Variants in SGCZ observed in about 807,000 individuals in gnomAD.
SGCZ encodes the protein zeta-sarcoglycan.
A neutral mutation model predicts 41.3 loss-of-function variants in SGCZ; 40 were observed. The ratio of observed to expected loss-of-function variants is 0.97; its 90% CI spans 0.75 to 1.26. The LOEUF (loss-of-function observed/expected upper bound fraction) is 1.26. Ranked by LOEUF, SGCZ falls within the 50% of genes most tolerant of loss-of-function variation. The pLI is 0.00. For missense variants in SGCZ, 552 were observed against 369.8 expected, an observed-to-expected ratio of 1.49 and a Z score of -4.04; for synonymous variants, 206 against 137.5, an observed-to-expected ratio of 1.50 and a Z score of -3.49.
chr8:15,215,687 A>T (rs555704951), intron 1 of SGCZ, among the ~76,000 whole-genome samples: 1 of 152,334 alleles, frequency 6.6e-6, no homozygotes, highest in African/African-American at 2.4e-5. Flanking sequence ...AGCTGAACTG[A>T]AACTTTTGCT....
chr8:14,736,133 C>G lies in SGCZ; in HGVS notation c.40-181207G>C, dbSNP rs184064625. ...GCTTTTGGTAAATATTTTTCCAAATCATGCTCCCTGCTTGAACCTACTTCA... is the reference window on the plus strand; with the variant it reads ...GCTTTTGGTAAATATTTTTCCAAATGATGCTCCCTGCTTGAACCTACTTCA... On this transcript the variant is annotated intron_variant, in intron 1 of 7. Transcript: ENST00000382080. 3.9e-3 allele frequency among the ~76,000 whole-genome samples: 601 copies of G among 152,178 alleles called. 6 individuals carry two copies. The highest frequency in any genetic ancestry group is 6.7e-3 in the Non-Finnish European group (455 of 67,988).
At chr8:14,523,505 G>A (rs899912760) in intron 2 of SGCZ, among the ~76,000 whole-genome samples, 3 of 151,886 alleles carry the variant, frequency 2.0e-5, no homozygotes, top group East Asian at 1.9e-4. Context: ...TCTCCTGGTC[G>A]TGACGGTTTC....
chr8:14,386,581 A>C (rs1804586657), intron 2 of SGCZ, among the ~76,000 whole-genome samples: 1 of 152,190 alleles, frequency 6.6e-6, no homozygotes. Context: ...AGTGGTTTGT[A>C]ACTCAACTTC....
chr8:15,039,416 A>C (rs1183725051), intron 1 of SGCZ, among the ~76,000 whole-genome samples: 3 of 152,194 alleles, frequency 2.0e-5, no homozygotes, highest in African/African-American at 7.2e-5. Context: ...GTGGCATCTA[A>C]AACATCCAAC....
chr8:14,197,168 T>C (rs1355994535), intron 4 of SGCZ, among the ~76,000 whole-genome samples: 1 of 152,156 alleles, frequency 6.6e-6, no homozygotes, highest in Non-Finnish European at 1.5e-5. Flanking sequence ...AAGGTCCGGA[T>C]GGCTTTCTTT....
intron 1 of SGCZ, among the ~76,000 whole-genome samples, chr8:15,096,437 A>C (rs747197145): frequency 6.6e-6 from 1 of 152,110 alleles, no homozygotes; most frequent in Non-Finnish European, 1.5e-5. Flanking sequence ...CAGGAATAAT[A>C]TAATTTATCT....
intron 1 of SGCZ, among the ~76,000 whole-genome samples, chr8:15,228,116 C>G (rs563898848): frequency 2.2e-4 from 33 of 152,056 alleles, no homozygotes; most frequent in Middle Eastern, 3.2e-3. Context: ...ATTTGTTATA[C>G]ATTAAGAGCT....
chr8:14,492,206 A>G (rs1801861091), intron 2 of SGCZ, among the ~76,000 whole-genome samples: 1 of 152,220 alleles, frequency 6.6e-6, no homozygotes, highest in African/African-American at 2.4e-5. Flanking sequence ...CAGCAGTTAC[A>G]TCATCACAAC....
chr8:14,710,452 C>T (rs1809480732), intron 1 of SGCZ, among the ~76,000 whole-genome samples: 3 of 148,702 alleles, frequency 2.0e-5, no homozygotes, highest in Admixed American at 1.3e-4. Flanking sequence ...GCAATTAAAA[C>T]TTATATTTTC....
chr8:14,785,180 T>G (rs1800730930), intron 1 of SGCZ, among the ~76,000 whole-genome samples: 1 of 151,410 alleles, frequency 6.6e-6, no homozygotes, highest in South Asian at 2.1e-4. Flanking sequence ...GTTTACTTGA[T>G]TGCTATCTGG....
intron 2 of SGCZ, among the ~76,000 whole-genome samples, chr8:14,459,785 C>A (rs113250636): frequency 6.6e-6 from 1 of 152,058 alleles, no homozygotes; most frequent in Non-Finnish European, 1.5e-5. Flanking sequence ...TCACCCCAAC[C>A]ATAAGTAAAT....
At chr8:14,333,129 C>T (rs896026679) in intron 2 of SGCZ, among the ~76,000 whole-genome samples, 5 of 152,040 alleles carry the variant, frequency 3.3e-5, no homozygotes, top group Non-Finnish European at 5.9e-5. Context: ...ATATTAGTTA[C>T]ATGATGCAGA....
intron 2 of SGCZ, among the ~76,000 whole-genome samples, chr8:14,389,452 G>GA (rs1241268781): frequency 1.4e-5 from 2 of 140,838 alleles, no homozygotes; most frequent in East Asian, 2.0e-4. Context: ...AAGACAAAGA[G>GA]AAAATCACAA....
intron 2 of SGCZ, among the ~76,000 whole-genome samples, chr8:14,344,781 A>G (rs116333299): frequency 0.011 from 1,686 of 152,224 alleles, 28 homozygotes; most frequent in African/African-American, 0.037. Flanking sequence ...GCTACAAATG[A>G]AAATATAAAC....
At chr8:14,677,752 C>G (rs908768599) in intron 1 of SGCZ, among the ~76,000 whole-genome samples, 2 of 152,034 alleles carry the variant, frequency 1.3e-5, no homozygotes, top group African/African-American at 4.8e-5. Flanking sequence ...GTATGGGCAA[C>G]AGAATGAGAC....
At chr8:14,720,539 A>T (rs1484465681) in intron 1 of SGCZ, among the ~76,000 whole-genome samples, 1 of 151,804 alleles carries the variant, frequency 6.6e-6, no homozygotes, top group Non-Finnish European at 1.5e-5. Context: ...TCCTAGGTTC[A>T]CTCTGTATCA....
intron 1 of SGCZ, among the ~76,000 whole-genome samples, chr8:15,078,812 T>A (rs906649358): frequency 6.6e-6 from 1 of 151,770 alleles, no homozygotes; most frequent in East Asian, 1.9e-4. Flanking sequence ...TTTAGGTTCA[T>A]TTTTGTTCTC....
At chr8:14,458,716 C>T (rs1800818299) in intron 2 of SGCZ, among the ~76,000 whole-genome samples, 1 of 152,072 alleles carries the variant, frequency 6.6e-6, no homozygotes, top group Non-Finnish European at 1.5e-5. Context: ...TACCTACCTA[C>T]CTACCTATAA....
intron 2 of SGCZ, among the ~76,000 whole-genome samples, chr8:14,395,636 C>A (rs1201907993): frequency 6.6e-6 from 1 of 152,090 alleles, no homozygotes; most frequent in East Asian, 1.9e-4. Flanking sequence ...GAAGTGACCC[C>A]ACAAAAAGTT....
Sources: allele counts gnomAD v4.1 joint callset (sites outside exome capture counted in the v4.1 genomes callset), GRCh38; gene constraint gnomAD v4.1.1; transcripts MANE v1.5; gene names NCBI Gene and HGNC (gene_info 2026-07-23, HGNC 2026-07-21).